HDC: variants seen among roughly 807,000 people sequenced by gnomAD.
The protein encoded by HDC is histidine decarboxylase.
HDC carries 27 observed loss-of-function variants against 64.4 expected under a neutral mutation model. That is an observed-to-expected ratio of 0.42 (90% CI 0.31 to 0.58). HDC has a LOEUF of 0.58. Among genes scored for constraint, HDC ranks in the 20% least tolerant of loss-of-function variants. The probability of loss-of-function intolerance (pLI) is 0.16; values close to 1 mark genes in which losing one functional copy is unlikely to be tolerated. For missense variants in HDC, 711 were observed against 833.9 expected (o/e 0.85, Z 1.81); for synonymous variants, 305 against 314.2 (o/e 0.97, Z 0.31).
chr15:50,257,475 C>T lies in HDC; in HGVS notation c.391G>A (p.Glu131Lys), dbSNP rs1442650456. 6.2e-7 allele frequency: 1 copy of T among 1,614,226 alleles called. No homozygotes were observed. The highest frequency in any genetic ancestry group is 8.5e-7 in the Non-Finnish European group (1 of 1,180,040). Reference protein sequence around the residue: ...DWLAKMLGLPEHFLHHHPSSQ... With the variant: ...DWLAKMLGLPKHFLHHHPSSQ... Reference sequence around the variant, plus strand: ...CTGGGGTGGTGGTGCAAGAAGTGCTCTGGAAGTCCCAGCATTTTTGCCAAC... The same window carrying T: ...CTGGGGTGGTGGTGCAAGAAGTGCTTTGGAAGTCCCAGCATTTTTGCCAAC... The change falls in exon 4 of 12, where the codon GAG becomes AAG. Residue 131 changes from glutamate (E) to lysine (K), a missense_variant. Transcript: ENST00000267845.
intron 4 of HDC, 114 bp from the exon 5 acceptor site, chr15:50,254,778 G>GTGTGTGTATGTGTTTGTGTA: frequency 1.3e-6 from 1 of 762,468 alleles, no homozygotes; most frequent in Non-Finnish European, 2.1e-6. Context: ...CTCTCTCTCT[G>GTGTGTGTATGTGTTTGTGTA]TGTGTGTATG....
At position 50,263,482 on chromosome 15, in the gene HDC, T is replaced by C. The variant is rs1157829834; in HGVS notation, c.32-75A>G. ...CCGATTTGTGCCCATCCCTCTCAGGTCCGGGCCAAGAGACTTGGTAAAGAA... is the reference window on the plus strand; with the variant it reads ...CCGATTTGTGCCCATCCCTCTCAGGCCCGGGCCAAGAGACTTGGTAAAGAA... On this transcript the variant is annotated intron_variant, in intron 1 of 11. Transcript: ENST00000267845. 4.9e-6 allele frequency: 7 copies of C among 1,420,708 alleles called. No individual in the cohort carries two copies. The African/African-American group carries it at 9.9e-5, about 20-fold the overall frequency. The allele number at this position is 1,420,708 out of a possible 1,614,324, so 88.0% of individuals were successfully genotyped here. A position where few individuals can be genotyped will look rare whatever the true frequency, so the allele number is the denominator to read the frequency against.
chr15:50,242,326 G>T lies in HDC; in HGVS notation c.1923C>A (p.Ser641Arg). ...KKLIKFYSVPSFPECSSQCGL... is the reference protein window; with the variant it reads ...KKLIKFYSVPRFPECSSQCGL... ...CACATTGAGAGCTGCATTCAGGAAA[G>T]CTGGGGACGCTGTAGAATTTGATGA... is the stretch of plus-strand genomic sequence containing the variant. Residue 641 changes from serine to arginine, a missense_variant, in exon 12 of 12, where the codon AGC (serine) becomes AGA (arginine). Ser to Arg is a moderately radical substitution (Grantham distance 110). Coordinates refer to ENST00000267845, the MANE Select transcript of HDC (RefSeq NM_002112.4). The T allele has an allele frequency of 6.2e-7, 1 of 1,614,186 alleles. No homozygotes were observed.
In HDC at chr15:50,254,738, T is replaced by TTTTC. The variant is rs59701846; in HGVS notation, c.442-75_442-74insGAAA. 652 of 865,384 alleles carry TTTTC rather than the reference T, an allele frequency of 7.5e-4. 5 individuals carry two copies. The highest frequency in any genetic ancestry group is 1.6e-3 in the Admixed American group (68 of 43,662). 53.6% of individuals were successfully genotyped at this position (865,384 alleles called of 1,614,324 possible). On this transcript the variant is annotated intron_variant, in intron 4 of 11. Transcript: ENST00000267845. Reference sequence around the variant, plus strand: ...AAATTTCCCCAGGCTTTCTAGTTTTTTCTCTCTCTCTCTCTCTCTCTCTCT... The same window carrying TTTTC: ...AAATTTCCCCAGGCTTTCTAGTTTTTTTTCTCTCTCTCTCTCTCTCTCTCTCTCT...
intron 10 of HDC, among the ~76,000 whole-genome samples, chr15:50,245,375 T>C (rs1207393175): frequency 2.0e-5 from 3 of 152,032 alleles, no homozygotes. Flanking sequence ...CCAATCCCTA[T>C]TGTAGGTGAT....
In HDC at chr15:50,253,503, C is replaced by G; in HGVS notation, c.787+97G>C. 2.7e-6 allele frequency: 3 copies of G among 1,112,152 alleles called. No homozygotes were observed. In the South Asian group the frequency reaches 3.7e-5, roughly 14 times the overall value. The allele number at this position is 1,112,152 out of a possible 1,614,324, so 68.9% of individuals were successfully genotyped here. A position where few individuals can be genotyped will look rare whatever the true frequency, so the allele number is the denominator to read the frequency against. ...TGTCTCTGCATTGACCAAAGAGGAA[C>G]AAGAATAATCCCATAGAGCTGGTTT... On this transcript the variant is annotated intron_variant, in intron 7 of 11. Transcript: ENST00000267845.
intron 10 of HDC, among the ~76,000 whole-genome samples, chr15:50,247,024 G>A (rs140320966): frequency 3.3e-5 from 5 of 152,306 alleles, no homozygotes; most frequent in African/African-American, 9.6e-5. Flanking sequence ...TCACTCAAAC[G>A]TGGGAGTTAA....
intron 10 of HDC, among the ~76,000 whole-genome samples, chr15:50,247,752 CT>C (rs2045501431): frequency 6.6e-6 from 1 of 152,164 alleles, no homozygotes; most frequent in Non-Finnish European, 1.5e-5. Context: ...CAAAATAGGC[CT>C]TCAATAAATG....
intron 2 of HDC, among the ~76,000 whole-genome samples, chr15:50,258,876 G>T (rs146299811): frequency 5.3e-5 from 8 of 152,220 alleles, no homozygotes; most frequent in African/African-American, 1.9e-4. Context: ...AAAAGGAAGG[G>T]CAGGCCGGGT....
At position 50,252,448 on chromosome 15, in the gene HDC, G is replaced by A. The variant is rs1479396271; in HGVS notation, c.1023C>T (p.Gly341=). Reference sequence around the variant, plus strand: ...CACTCACCATGAAGTCGGTGGCCACGCCTGAGTTGGCATGCCTGAGGTAGA... The same window carrying A: ...CACTCACCATGAAGTCGGTGGCCACACCTGAGTTGGCATGCCTGAGGTAGA... ...NPIYLRHANS[G]VATDFMHWQI... is the part of the protein sequence containing the mutation. The change falls in exon 9 of 12, where the codon GGC becomes GGT. Residue 341 remains glycine (G), a synonymous_variant. Coordinates refer to ENST00000267845, the MANE Select transcript of HDC (RefSeq NM_002112.4). The A allele has an allele frequency of 6.8e-6, 11 of 1,613,988 alleles. No homozygotes were observed. Among genetic ancestry groups the A allele is most frequent in the African/African-American group, 2.7e-5 (2 of 74,900 alleles).
chr15:50,257,606 G>A (rs1399396758), intron 3 of HDC, 59 bp from the exon 4 acceptor site: 36 of 1,603,072 alleles, frequency 2.2e-5, no homozygotes, highest in South Asian at 1.3e-4. Context: ...GTGCCCCCAC[G>A]AGCTCCAGAA....
intron 10 of HDC, among the ~76,000 whole-genome samples, chr15:50,243,864 T>C (rs982366503): frequency 2.6e-5 from 4 of 152,242 alleles, no homozygotes; most frequent in African/African-American, 9.6e-5. Context: ...GTTTTGGACC[T>C]GGTTAATGGA....
intron 9 of HDC, among the ~76,000 whole-genome samples, chr15:50,252,076 C>T (rs2045563940): frequency 6.6e-6 from 1 of 152,118 alleles, no homozygotes; most frequent in Admixed American, 6.5e-5. Context: ...TCCACCCTGC[C>T]CTGCTGCTGG....
At chr15:50,259,736 T>C (rs1331333603) in intron 2 of HDC, among the ~76,000 whole-genome samples, 1 of 152,292 alleles carries the variant, frequency 6.6e-6, no homozygotes, top group East Asian at 1.9e-4. Context: ...CCCTGAGCGA[T>C]AGAACTCTAG....
intron 9 of HDC, among the ~76,000 whole-genome samples, chr15:50,249,911 GT>G (rs2045531852): frequency 6.6e-6 from 1 of 152,216 alleles, no homozygotes; most frequent in Admixed American, 6.5e-5. Flanking sequence ...ACTCAGCAGA[GT>G]GGTTCTAGCC....
intron 2 of HDC, among the ~76,000 whole-genome samples, chr15:50,262,332 C>G (rs540022616): frequency 7.0e-4 from 107 of 152,318 alleles, no homozygotes; most frequent in Admixed American, 3.0e-3. Flanking sequence ...GTTAACTTCT[C>G]TGAGCATCAG....
At chr15:50,244,167 T>G (rs943380533) in intron 10 of HDC, among the ~76,000 whole-genome samples, 1 of 152,170 alleles carries the variant, frequency 6.6e-6, no homozygotes, top group African/African-American at 2.4e-5. Context: ...CTTTTCTTTT[T>G]AAAAATTTCT....
At chr15:50,253,570 T>C (rs1300813775) in intron 7 of HDC, 30 bp downstream of exon 7, 1 of 1,594,200 alleles carries the variant, frequency 6.3e-7, no homozygotes, top group South Asian at 1.1e-5. Flanking sequence ...GTATTCCTTG[T>C]CTTCCTAGCC....
intron 2 of HDC, among the ~76,000 whole-genome samples, chr15:50,261,956 G>A (rs560451154): frequency 2.0e-5 from 3 of 152,074 alleles, no homozygotes; most frequent in Non-Finnish European, 4.4e-5. Context: ...TGATCCACCT[G>A]CCTTGGCCTC....
Sources: allele counts gnomAD v4.1 joint callset (sites outside exome capture counted in the v4.1 genomes callset), GRCh38; gene constraint gnomAD v4.1.1; transcripts MANE v1.5; gene names NCBI Gene and HGNC (gene_info 2026-07-23, HGNC 2026-07-21).